The following NHLRC3 variants were observed in gnomAD, a reference collection of about 807,000 sequenced individuals.
NHLRC3 encodes NHL repeat containing 3.
In NHLRC3, 23 loss-of-function variants were observed where a neutral mutation model predicts 32.0. The observed-to-expected ratio is 0.72, with a 90% CI of 0.52 to 1.02. The LOEUF (loss-of-function observed/expected upper bound fraction) is 1.02, where lower values mean the gene tolerates loss of function less well. Among genes scored for constraint, NHLRC3 ranks in the 50% least tolerant of loss-of-function variants. The pLI is 0.00. For missense variants in NHLRC3, 407 were observed against 406.8 expected (o/e 1.00, Z -0.01); for synonymous variants, 159 against 147.9 (o/e 1.08, Z -0.55).
At chr13:39,047,542 T>C (rs927264861) in intron 6 of NHLRC3, 132 bp from the exon 7 acceptor site, 1 of 656,432 alleles carries the variant, frequency 1.5e-6, no homozygotes, top group Non-Finnish European at 2.6e-6. Context: ...CAAATTAAAA[T>C]TCTTCTTAAA....
chr13:39,047,937 C>A lies in NHLRC3; in HGVS notation c.*11C>A. ...TCATTTGGTTCATAATGTTTCTTTC[C>A]TGGGAATATTTCAAGTGGCAGTTCA... On this transcript the variant is annotated 3_prime_UTR_variant, in exon 7 of 7. Transcript: ENST00000379600. The A allele has an allele frequency of 1.3e-6, 2 of 1,581,726 alleles. No homozygotes were observed. Among genetic ancestry groups the A allele is most frequent in the Non-Finnish European group, 1.7e-6 (2 of 1,155,586 alleles).
intron 4 of NHLRC3, among the ~76,000 whole-genome samples, chr13:39,043,012 C>T (rs1871522255): frequency 6.6e-6 from 1 of 152,072 alleles, no homozygotes; most frequent in Non-Finnish European, 1.5e-5. Context: ...TTATTAAAGC[C>T]ATGTTTTTGC....
chr13:39,046,068 G>T (rs1217724338), intron 5 of NHLRC3, among the ~76,000 whole-genome samples: 1 of 152,146 alleles, frequency 6.6e-6, no homozygotes, highest in African/African-American at 2.4e-5. Flanking sequence ...GGTGGCTCAC[G>T]CTTGTAATCC....
Position 39,049,622 on chromosome 13 carries a change from T to A in NHLRC3, c.*1696T>A, listed in dbSNP as rs1871829019. Reference sequence around the variant, plus strand: ...TGTTTATAGCATTTATCAAAACGTATCCTCATAGACTTTATGCAGATTAAT... The same window carrying A: ...TGTTTATAGCATTTATCAAAACGTAACCTCATAGACTTTATGCAGATTAAT... On this transcript the variant is annotated 3_prime_UTR_variant, in exon 7 of 7. Coordinates refer to ENST00000379600, the MANE Select transcript of NHLRC3 (RefSeq NM_001012754.4). The A allele has an allele frequency of 6.6e-6, 1 of 152,246 alleles. No individual in the cohort carries two copies. The highest frequency in any genetic ancestry group is 1.9e-4 in the East Asian group (1 of 5,200). 9.4% of individuals were successfully genotyped at this position (152,246 alleles called of 1,614,324 possible).
At chr13:39,043,694 C>G (rs138584170) in intron 4 of NHLRC3, among the ~76,000 whole-genome samples, 1 of 151,986 alleles carries the variant, frequency 6.6e-6, no homozygotes, top group Non-Finnish European at 1.5e-5. Flanking sequence ...TTGAACCCAC[C>G]GTAGTGCGTA....
At position 39,047,687 on chromosome 13, in the gene NHLRC3, G is replaced by A. The variant is rs1167959250; in HGVS notation, c.805G>A (p.Gly269Arg). ...CTTTCTCCTTAGGTTTACTCCTGAT[G>A]GGAAGTACTTGATTGTGGCCCAGCT... ...GPSSVRFTPD[G>R]KYLIVAQLNL... is the part of the protein sequence containing the mutation. Residue 269 changes from glycine (G) to arginine (R), a missense_variant, in exon 7 of 7, where the codon GGG becomes AGG. Coordinates refer to ENST00000379600, the MANE Select transcript of NHLRC3 (RefSeq NM_001012754.4). 1 of 1,613,090 alleles carries A rather than the reference G, an allele frequency of 6.2e-7. No individual in the cohort carries two copies. Among genetic ancestry groups the A allele is most frequent in the African/African-American group, 1.3e-5 (1 of 74,886 alleles).
At chr13:39,040,181 C>CT (rs1871410348) in intron 3 of NHLRC3, 1 of 146,458 alleles carries the variant, frequency 6.8e-6, no homozygotes. Flanking sequence ...CAGCGACACT[C>CT]TGTCTCAAAA....
rs1021943766 is a variant in NHLRC3, at chr13:39,050,026, C to G, written c.*2100C>G. 2.0e-5 allele frequency: 3 copies of G among 152,116 alleles called. No individual in the cohort carries two copies. Among genetic ancestry groups the G allele is most frequent in the Non-Finnish European group, 2.9e-5 (2 of 68,012 alleles). The allele number at this position is 152,116 out of a possible 1,614,324, so 9.4% of individuals were successfully genotyped here. On this transcript the variant is annotated 3_prime_UTR_variant, in exon 7 of 7. Transcript: ENST00000379600. ...AATGAGAAATGTGTTATGTTTTTTACTAAAAAGTATAAATTAAAATTTTGG... is the reference window on the plus strand; with the variant it reads ...AATGAGAAATGTGTTATGTTTTTTAGTAAAAAGTATAAATTAAAATTTTGG...
Position 39,047,700 on chromosome 13 carries a change from T to C in NHLRC3, c.818T>C (p.Ile273Thr), listed in dbSNP as rs771695617. ...TTTACTCCTGATGGGAAGTACTTGATTGTGGCCCAGCTGAATCTTAGCAGG... is the reference window on the plus strand; with the variant it reads ...TTTACTCCTGATGGGAAGTACTTGACTGTGGCCCAGCTGAATCTTAGCAGG... ...VRFTPDGKYLIVAQLNLSRLS... is the reference protein window; with the variant it reads ...VRFTPDGKYLTVAQLNLSRLS... The change falls in exon 7 of 7, where the codon ATT becomes ACT. Residue 273 changes from isoleucine to threonine, a missense_variant. Coordinates refer to ENST00000379600, the MANE Select transcript of NHLRC3 (RefSeq NM_001012754.4). 2.5e-6 allele frequency: 4 copies of C among 1,613,852 alleles called. No homozygotes were observed. Among genetic ancestry groups the C allele is most frequent in the Non-Finnish European group, 2.5e-6 (3 of 1,179,774 alleles).
At chr13:39,045,320 A>C (rs1056822165) in intron 5 of NHLRC3, among the ~76,000 whole-genome samples, 3 of 152,326 alleles carry the variant, frequency 2.0e-5, no homozygotes, top group Non-Finnish European at 4.4e-5. Flanking sequence ...TGCTAAGAAA[A>C]AAAATCAAAT....
At chr13:39,046,318 CAAAAAA>C (rs570845912) in intron 5 of NHLRC3, among the ~76,000 whole-genome samples, 164 of 152,010 alleles carry the variant, frequency 1.1e-3, no homozygotes, top group Non-Finnish European at 1.8e-3. Context: ...GACTCCATCT[CAAAAAA>C]TAAAAAAAAC....
chr13:39,044,323 A>G, intron 5 of NHLRC3, 142 bp downstream of exon 5: 1 of 669,782 alleles, frequency 1.5e-6, no homozygotes, highest in Non-Finnish European at 2.7e-6. Context: ...ATGTGGATAC[A>G]TGTGTGTTAG....
In NHLRC3 at chr13:39,038,669, T is replaced by G. The variant is rs1871307269; in HGVS notation, c.30T>G (p.Gly10=). The G allele has an allele frequency of 6.2e-7, 1 of 1,614,146 alleles. No homozygotes were observed. The highest frequency in any genetic ancestry group is 8.5e-7 in the Non-Finnish European group (1 of 1,180,026). MARFWVCVA[G]AGFFLAFLVL... Reference sequence around the variant, plus strand: ...CGAGATTCTGGGTCTGCGTAGCCGGTGCTGGCTTCTTTCTTGCATTTTTGG... The same window carrying G: ...CGAGATTCTGGGTCTGCGTAGCCGGGGCTGGCTTCTTTCTTGCATTTTTGG... The change falls in exon 1 of 7, where the codon GGT becomes GGG. Residue 10 remains glycine, a synonymous_variant. Transcript: ENST00000379600.
At chr13:39,042,713 A>G (rs1871512116) in intron 4 of NHLRC3, among the ~76,000 whole-genome samples, 2 of 152,216 alleles carry the variant, frequency 1.3e-5, no homozygotes, top group African/African-American at 4.8e-5. Flanking sequence ...GTGCAGATCT[A>G]TTATGTATTG....
At chr13:39,046,647 C>A (rs528666835) in intron 5 of NHLRC3, among the ~76,000 whole-genome samples, 4 of 152,252 alleles carry the variant, frequency 2.6e-5, no homozygotes, top group African/African-American at 9.6e-5. Context: ...TTGCCTGGCC[C>A]AGGAGCTGAC....
rs1871293970 is a variant in NHLRC3, at chr13:39,038,542, C to G, written c.-98C>G. The G allele has an allele frequency of 2.0e-6, 2 of 1,007,940 alleles. No homozygotes were observed. The highest frequency in any genetic ancestry group is 1.6e-6 in the Non-Finnish European group (1 of 631,448). 62.4% of individuals were successfully genotyped at this position (1,007,940 alleles called of 1,614,324 possible). On this transcript the variant is annotated 5_prime_UTR_variant, in exon 1 of 7. Coordinates refer to ENST00000379600, the MANE Select transcript of NHLRC3 (RefSeq NM_001012754.4). Reference sequence around the variant, plus strand: ...GGAGATAGGGTCTTCGGGCCCCGGGCAGACCCTCTGTGCCGCTGCAAACCG... The same window carrying G: ...GGAGATAGGGTCTTCGGGCCCCGGGGAGACCCTCTGTGCCGCTGCAAACCG...
intron 2 of NHLRC3, 68 bp from the exon 3 acceptor site, chr13:39,039,496 C>T: frequency 1.5e-6 from 2 of 1,371,224 alleles, no homozygotes; most frequent in Non-Finnish European, 2.0e-6. Context: ...TATTTTTTTT[C>T]TTCGCCAAGA....
At chr13:39,045,034 GAC>G (rs1871616328) in intron 5 of NHLRC3, among the ~76,000 whole-genome samples, 1 of 152,082 alleles carries the variant, frequency 6.6e-6, no homozygotes, top group Admixed American at 6.6e-5. Flanking sequence ...TAAATGTCTT[GAC>G]ACACAATGGG....
Position 39,047,897 on chromosome 13 carries a change from A to G in NHLRC3, c.1015A>G (p.Asn339Asp), listed in dbSNP as rs776584716. 9.3e-6 allele frequency: 15 copies of G among 1,612,800 alleles called. No individual in the cohort carries two copies. In the South Asian group the frequency reaches 1.5e-4, roughly 17 times the overall value. The part of the protein sequence containing the change: ...AKQVQKYVPL[N>D]SYVPSFGS Reference sequence around the variant, plus strand: ...ACAAGTACAAAAATATGTCCCTTTGAATAGCTATGTTCCTTCATTTGGTTC... The same window carrying G: ...ACAAGTACAAAAATATGTCCCTTTGGATAGCTATGTTCCTTCATTTGGTTC... The change falls in exon 7 of 7, where the codon AAT (asparagine) becomes GAT (aspartate). Residue 339 changes from asparagine to aspartate, a missense_variant. Coordinates refer to ENST00000379600, the MANE Select transcript of NHLRC3 (RefSeq NM_001012754.4).
Sources: gnomAD v4.1 joint callset for allele counts (sites outside exome capture counted in the v4.1 genomes callset) on GRCh38, gnomAD v4.1.1 for gene constraint, MANE v1.5 for transcripts, NCBI Gene and HGNC (gene_info 2026-07-23, HGNC 2026-07-21) for gene names.